The following IGSF1 variants were observed in gnomAD, a reference collection of about 807,000 sequenced individuals.
IGSF1 encodes immunoglobulin-like domain-containing protein 1.
IGSF1 carries 40 observed loss-of-function variants against 95.3 expected under a neutral mutation model. The ratio of observed to expected loss-of-function variants is 0.42; its 90% confidence interval spans 0.33 to 0.55. The LOEUF (loss-of-function observed/expected upper bound fraction) is 0.55. Among genes scored for constraint, IGSF1 ranks in the 20% least tolerant of loss-of-function variants. IGSF1 has a pLI of 0.10. For missense variants in IGSF1, 906 were observed against 1,025.4 expected, an observed-to-expected ratio of 0.88 and a Z score of 1.59; for synonymous variants, 372 against 382.9, an observed-to-expected ratio of 0.97 and a Z score of 0.33.
rs905235930 is a variant in IGSF1, at chrX:131,286,796, T to C, written c.-67-55A>G. 2.6e-5 allele frequency: 14 copies of C among 534,593 alleles called. No homozygotes were observed. The African/African-American group carries it at 3.2e-4, about 12-fold the overall frequency. 44.1% of individuals were successfully genotyped at this position (534,593 alleles called of 1,213,427 possible). Reference sequence around the variant, plus strand: ...ACTTGTCCTGCTCCTTAAAGTTTAGTTTAGATGGCTAAATTGCACTTGACA... The same window carrying C: ...ACTTGTCCTGCTCCTTAAAGTTTAGCTTAGATGGCTAAATTGCACTTGACA... On this transcript the variant is annotated intron_variant, in intron 1 of 19. Transcript: ENST00000361420.
Position 131,274,604 on chromosome X carries a change from G to A in IGSF1, c.3746C>T (p.Ala1249Val), listed in dbSNP as rs148685541. The A allele has an allele frequency of 2.2e-5, 26 of 1,208,520 alleles. No individual in the cohort carries two copies. Among genetic ancestry groups the A allele is most frequent in the Non-Finnish European group, 2.7e-5 (24 of 894,226 alleles). ...TGGAGAGATTATTCTCTTACCTGCT[G>A]CCCCCACCAGCTCCAGGGGATCACT... ...EPSDPLELVG[A>V]AGPVAQECTV... The change falls in exon 18 of 20, where the codon GCA becomes GTA. Residue 1249 changes from alanine to valine, a missense_variant. This residue lies in a region of IGSF1 where 411 missense variants were observed against 494.9 expected (regional missense o/e 0.83). Coordinates refer to ENST00000361420, the MANE Select transcript of IGSF1 (RefSeq NM_001555.5).
intron 19 of IGSF1, 21 bp from the exon 20 acceptor site, chrX:131,273,952 G>C: frequency 8.3e-7 from 1 of 1,206,201 alleles, no homozygotes; most frequent in African/African-American, 1.7e-5. Context: ...AAAAAGACAT[G>C]AGTAAGGGAG....
chrX:131,279,576 C>G (rs766422783), intron 9 of IGSF1, among the ~76,000 whole-genome samples: 4 of 107,985 alleles, frequency 3.7e-5, no homozygotes, highest in Admixed American at 9.9e-5. Context: ...CCTCCCCACT[C>G]CGCAGCCTAT....
At chrX:131,280,219 A>G (rs887209755) in intron 9 of IGSF1, among the ~76,000 whole-genome samples, 1 of 110,698 alleles carries the variant, frequency 9.0e-6, no homozygotes, top group African/African-American at 3.3e-5. Flanking sequence ...GGTTCCGGAA[A>G]GAAGTAGAAC....
At position 131,275,203 on chromosome X, in the gene IGSF1, C is replaced by T. The variant is rs866536788; in HGVS notation, c.3268G>A (p.Glu1090Lys). ...AGGACAAATGTTGAGTCTGGCAGTT[C>T]CCCTTGACACTGAAGAGTCATATTT... ...GENMTLQCQG[E>K]LPDSTFVLLK... The change falls in exon 17 of 20, where the codon GAA (glutamate) becomes AAA (lysine). Residue 1090 changes from glutamate (E) to lysine (K), a missense_variant. Physicochemically the swap from Glu to Lys is moderately conservative, Grantham distance 56. This residue lies in a region of IGSF1 where 411 missense variants were observed against 494.9 expected (regional missense o/e 0.83). Coordinates refer to ENST00000361420, the MANE Select transcript of IGSF1 (RefSeq NM_001555.5). 1 of 1,210,930 alleles carries T rather than the reference C, an allele frequency of 8.3e-7. No individual in the cohort carries two copies. The highest frequency in any genetic ancestry group is 1.8e-5 in the South Asian group (1 of 56,954).
chrX:131,282,079 A>G, intron 7 of IGSF1, 135 bp from the exon 8 acceptor site: 2 of 568,580 alleles, frequency 3.5e-6, no homozygotes, highest in Non-Finnish European at 5.5e-6. Flanking sequence ...TCAAGATTTG[A>G]CTGTGCATTA....
intron 6 of IGSF1, 88 bp from the exon 7 acceptor site, chrX:131,282,825 C>T: frequency 9.8e-7 from 1 of 1,018,417 alleles, no homozygotes; most frequent in South Asian, 2.3e-5. Flanking sequence ...TCCTCCAAAC[C>T]ACCCTTGGAA....
At chrX:131,288,127 A>G (rs1340850650) in intron 1 of IGSF1, among the ~76,000 whole-genome samples, 1 of 110,965 alleles carries the variant, frequency 9.0e-6, no homozygotes, top group East Asian at 2.8e-4. Flanking sequence ...TCCATTGTAC[A>G]TTTTTCACTT....
At chrX:131,281,194 A>AGGG (rs764317004) in intron 9 of IGSF1, 24 bp downstream of exon 9, 26 of 1,207,109 alleles carry the variant, frequency 2.2e-5, no homozygotes, top group South Asian at 1.9e-4. Flanking sequence ...GTTGGGGAAC[A>AGGG]GGGGGCTGGG....
chrX:131,280,350 A>G (rs1402134468), intron 9 of IGSF1, among the ~76,000 whole-genome samples: 1 of 111,557 alleles, frequency 9.0e-6, no homozygotes, highest in Non-Finnish European at 1.9e-5. Flanking sequence ...AAACACAGAC[A>G]CATGTAATCA....
At position 131,283,148 on chromosome X, in the gene IGSF1, C is replaced by T; in HGVS notation, c.784G>A (p.Val262Ile). The T allele has an allele frequency of 8.3e-7, 1 of 1,210,841 alleles. No homozygotes were observed. The highest frequency in any genetic ancestry group is 1.1e-6 in the Non-Finnish European group (1 of 894,490). The stretch of plus-strand genomic sequence containing the variant: ...TAAAAGGACTTCTCCAAGTCTTCAA[C>T]CCTCATTAGAGCAAAGGTCATTCCA... ...IYGMTFALMRVEDLEKSFYHK... is the reference protein window; with the variant it reads ...IYGMTFALMRIEDLEKSFYHK... Residue 262 changes from valine (V) to isoleucine (I), a missense_variant, in exon 6 of 20, where the codon GTT (valine) becomes ATT (isoleucine). By Grantham distance (29) the Val-to-Ile change is conservative (BLOSUM62 3). This residue lies in a region of IGSF1 where 442 missense variants were observed against 448.1 expected (regional missense o/e 0.99). Coordinates refer to ENST00000361420, the MANE Select transcript of IGSF1 (RefSeq NM_001555.5).
At chrX:131,282,211 A>G (rs189206413) in intron 7 of IGSF1, among the ~76,000 whole-genome samples, 1 of 111,217 alleles carries the variant, frequency 9.0e-6, no homozygotes, top group Admixed American at 9.5e-5. Flanking sequence ...AGGGGTTACA[A>G]TGGGGCTGTG....
chrX:131,284,953 G>T, intron 5 of IGSF1: 1 of 736,553 alleles, frequency 1.4e-6, no homozygotes, highest in Non-Finnish European at 1.8e-6. Context: ...CTGCTGGCCA[G>T]TTGGCTGGGC....
At chrX:131,275,919 C>G in intron 15 of IGSF1, 42 bp downstream of exon 15, 1 of 1,189,471 alleles carries the variant, frequency 8.4e-7, no homozygotes, top group Non-Finnish European at 1.1e-6. Flanking sequence ...AACCCCTTCT[C>G]CAATGATCTC....
chrX:131,278,859 C>G (rs2080513972), intron 11 of IGSF1, 108 bp from the exon 12 acceptor site: 2 of 736,152 alleles, frequency 2.7e-6, no homozygotes, highest in South Asian at 2.6e-5. Flanking sequence ...CCCTTGCAAC[C>G]CAAATCCAAA....
Position 131,277,058 on chromosome X carries a change from C to G in IGSF1, c.2489G>C (p.Ser830Thr), listed in dbSNP as rs1603404281. ...SDRSWASPGASAAHFLIISVG... is the reference protein window; with the variant it reads ...SDRSWASPGATAAHFLIISVG... The stretch of plus-strand genomic sequence containing the variant: ...CGAAATGATTAGAAAGTGAGCTGCA[C>G]TGGCCCCCGGACTTGCCCAGGACCT... Residue 830 changes from serine (S) to threonine (T), a missense_variant, in exon 14 of 20, where the codon AGT becomes ACT. This residue lies in a region of IGSF1 where 411 missense variants were observed against 494.9 expected (regional missense o/e 0.83). Transcript: ENST00000361420. The G allele has an allele frequency of 8.3e-7, 1 of 1,211,338 alleles. No homozygotes were observed. Among genetic ancestry groups the G allele is most frequent in the East Asian group, 3.0e-5 (1 of 33,802 alleles).
rs1165085727 is a variant in IGSF1 at position 131,285,264 on chromosome X, T to C, written c.582A>G (p.Glu194=). 8.3e-7 allele frequency: 1 copy of C among 1,211,414 alleles called. No homozygotes were observed. Among genetic ancestry groups the C allele is most frequent in the South Asian group, 1.8e-5 (1 of 56,871 alleles). The part of the protein sequence containing the change: ...FSIDNLTPED[E]GVYICRTHIQ... Reference sequence around the variant, plus strand: ...TATGAGTGCGGCAGATGTAAACCCCTTCATCCTCAGGTGTCAGGTTGTCAA... The same window carrying C: ...TATGAGTGCGGCAGATGTAAACCCCCTCATCCTCAGGTGTCAGGTTGTCAA... The change falls in exon 5 of 20, where the codon GAA becomes GAG. Residue 194 remains glutamate, a synonymous_variant. Coordinates refer to ENST00000361420, the MANE Select transcript of IGSF1 (RefSeq NM_001555.5).
rs2080585184 is a variant in IGSF1, at chrX:131,283,059, A to C, written c.873T>G (p.Thr291=). ...CATAGTAAAAACAGAGGTAATGTCCAGTATCTTGGATCTTCAAAGACTGGA... is the reference window on the plus strand; with the variant it reads ...CATAGTAAAAACAGAGGTAATGTCCCGTATCTTGGATCTTCAAAGACTGGA... ...FFFQSLKIQD[T]GHYLCFYYDA... is the part of the protein sequence containing the mutation. The change falls in exon 6 of 20, where the codon ACT becomes ACG. Residue 291 remains threonine, a synonymous_variant. Transcript: ENST00000361420. 1 of 1,201,832 alleles carries C rather than the reference A, an allele frequency of 8.3e-7. No homozygotes were observed. The highest frequency in any genetic ancestry group is 1.7e-5 in the African/African-American group (1 of 57,255).
chrX:131,285,290 T>A lies in IGSF1; in HGVS notation c.556A>T (p.Ile186Phe), dbSNP rs765338440. ...TCATCCTCAGGTGTCAGGTTGTCAATGGAGAATATGGCCATTGTCCCAGTT... is the reference window on the plus strand; with the variant it reads ...TCATCCTCAGGTGTCAGGTTGTCAAAGGAGAATATGGCCATTGTCCCAGTT... Reference protein sequence around the residue: ...VPTGTMAIFSIDNLTPEDEGV... With the variant: ...VPTGTMAIFSFDNLTPEDEGV... Residue 186 changes from isoleucine (I) to phenylalanine (F), a missense_variant, in exon 5 of 20, where the codon ATT becomes TTT. Coordinates refer to ENST00000361420, the MANE Select transcript of IGSF1 (RefSeq NM_001555.5). The A allele has an allele frequency of 1.1e-5, 13 of 1,210,668 alleles. No individual in the cohort carries two copies. The highest frequency in any genetic ancestry group is 1.3e-5 in the Non-Finnish European group (12 of 894,441).
Sources: allele counts gnomAD v4.1 joint callset (sites outside exome capture counted in the v4.1 genomes callset), GRCh38; gene constraint gnomAD v4.1.1; regional missense constraint gnomAD v4.1.1; transcripts MANE v1.5; gene names NCBI Gene and HGNC (gene_info 2026-07-23, HGNC 2026-07-21).